The following GPATCH8 variants were observed in gnomAD, a reference collection of about 807,000 sequenced individuals.
GPATCH8 encodes G-patch domain containing 8.
Under a neutral mutation model 118.3 loss-of-function variants are expected in GPATCH8, and 18 were observed. The observed-to-expected ratio is 0.15, with a 90% CI of 0.11 to 0.23. GPATCH8 has a LOEUF of 0.23. Ranked by LOEUF, GPATCH8 falls within the 10% of genes least tolerant of loss-of-function variation. The pLI is 1.00. For synonymous variants in GPATCH8, 659 were observed against 684.7 expected (o/e 0.96, Z 0.59); for missense variants, 1,631 against 1,873.8 (o/e 0.87, Z 2.39).
intron 1 of GPATCH8, among the ~76,000 whole-genome samples, chr17:44,489,586 C>A (rs566184036): frequency 6.6e-6 from 1 of 152,124 alleles, no homozygotes; most frequent in East Asian, 1.9e-4. Flanking sequence ...GTGATCCGCC[C>A]GCCTCGGCCT....
chr17:44,474,563 C>T (rs1255153730), intron 2 of GPATCH8: 1 of 520,476 alleles, frequency 1.9e-6, no homozygotes, highest in African/African-American at 1.9e-5. Context: ...TAACTTGCTA[C>T]CTTCAACAAA....
intron 1 of GPATCH8, among the ~76,000 whole-genome samples, chr17:44,501,273 C>T (rs1479324011): frequency 6.6e-6 from 1 of 151,838 alleles, no homozygotes; most frequent in Non-Finnish European, 1.5e-5. Flanking sequence ...AAAAATTAGC[C>T]GGGTATGGTG....
intron 6 of GPATCH8, among the ~76,000 whole-genome samples, chr17:44,415,903 C>T (rs1413689053): frequency 6.6e-6 from 1 of 152,210 alleles, no homozygotes; most frequent in African/African-American, 2.4e-5. Flanking sequence ...AAGAGAATGC[C>T]TGGTTTACCC....
chr17:44,495,569 A>G (rs141523452), intron 1 of GPATCH8, among the ~76,000 whole-genome samples: 1 of 152,350 alleles, frequency 6.6e-6, no homozygotes, highest in East Asian at 1.9e-4. Flanking sequence ...ACCCGCACAG[A>G]AATACTTACA....
intron 1 of GPATCH8, among the ~76,000 whole-genome samples, chr17:44,502,754 C>G (rs537758143): frequency 6.6e-6 from 1 of 152,292 alleles, no homozygotes; most frequent in African/African-American, 2.4e-5. Context: ...AACACTTATG[C>G]CCCGCGAAAT....
chr17:44,408,348 G>A (rs900551786), intron 6 of GPATCH8, among the ~76,000 whole-genome samples: 2 of 152,070 alleles, frequency 1.3e-5, no homozygotes, highest in African/African-American at 4.8e-5. Context: ...ACCACACCCG[G>A]CTGATTTTTT....
At chr17:44,429,994 C>T (rs536100260) in intron 5 of GPATCH8, among the ~76,000 whole-genome samples, 3 of 152,296 alleles carry the variant, frequency 2.0e-5, no homozygotes, top group African/African-American at 7.2e-5. Flanking sequence ...CCACTGCACT[C>T]CAGCCTGGGC....
chr17:44,424,319 T>C (rs747397538), intron 6 of GPATCH8, 30 bp downstream of exon 6: 3 of 1,482,266 alleles, frequency 2.0e-6, no homozygotes, highest in Non-Finnish European at 2.8e-6. Context: ...GATAGGTACC[T>C]TCTTCTGTTA....
chr17:44,499,272 G>A (rs981381487), intron 1 of GPATCH8, among the ~76,000 whole-genome samples: 2 of 152,102 alleles, frequency 1.3e-5, no homozygotes, highest in African/African-American at 4.8e-5. Context: ...TTTGAGACCA[G>A]CCTGACCAAC....
intron 6 of GPATCH8, among the ~76,000 whole-genome samples, chr17:44,423,395 T>C (rs2049982818): frequency 6.6e-6 from 1 of 152,178 alleles, no homozygotes; most frequent in African/African-American, 2.4e-5. Context: ...TTACAAATTC[T>C]TCCAGTTCTA....
chr17:44,415,914 TGGCAACATTA>T (rs2049661259), intron 6 of GPATCH8, among the ~76,000 whole-genome samples: 1 of 152,266 alleles, frequency 6.6e-6, no homozygotes, highest in Non-Finnish European at 1.5e-5. Flanking sequence ...TGGTTTACCC[TGGCAACATTA>T]GGTCCTGAAG....
intron 3 of GPATCH8, among the ~76,000 whole-genome samples, chr17:44,458,037 A>G (rs189617755): frequency 6.6e-6 from 1 of 150,990 alleles, no homozygotes. Context: ...GTGAGCCGAG[A>G]TTGTGCCACT....
chr17:44,454,557 A>G (rs1422773406), intron 3 of GPATCH8, among the ~76,000 whole-genome samples: 1 of 152,170 alleles, frequency 6.6e-6, no homozygotes. Context: ...TATCATTCTC[A>G]TTCAGTCTCC....
intron 1 of GPATCH8, among the ~76,000 whole-genome samples, chr17:44,480,709 A>G (rs575209588): frequency 7.0e-6 from 1 of 143,630 alleles, no homozygotes; most frequent in East Asian, 2.0e-4. Flanking sequence ...AACAAGGGCA[A>G]AAAAAAAAAA....
At chr17:44,449,039 G>T (rs1393141850) in intron 3 of GPATCH8, among the ~76,000 whole-genome samples, 2 of 152,172 alleles carry the variant, frequency 1.3e-5, no homozygotes, top group Non-Finnish European at 2.9e-5. Context: ...ACTTTGGGAG[G>T]TTGAGGCGGG....
At chr17:44,493,900 G>A (rs1344181881) in intron 1 of GPATCH8, among the ~76,000 whole-genome samples, 1 of 152,048 alleles carries the variant, frequency 6.6e-6, no homozygotes, top group African/African-American at 2.4e-5. Flanking sequence ...TTATATAAGA[G>A]GCATTTATTA....
chr17:44,438,041 T>C (rs1367698304), intron 3 of GPATCH8, among the ~76,000 whole-genome samples: 6 of 151,298 alleles, frequency 4.0e-5, no homozygotes, highest in Non-Finnish European at 4.4e-5. Flanking sequence ...AATGCATTAC[T>C]ACCCTATGCC....
chr17:44,491,146 C>T (rs749063034), intron 1 of GPATCH8, among the ~76,000 whole-genome samples: 3 of 152,128 alleles, frequency 2.0e-5, no homozygotes, highest in Non-Finnish European at 4.4e-5. Context: ...CAATACGAAA[C>T]TCTAGAGAGA....
chr17:44,419,668 T>TC (rs1468512569), intron 6 of GPATCH8, among the ~76,000 whole-genome samples: 1 of 152,010 alleles, frequency 6.6e-6, no homozygotes, highest in East Asian at 1.9e-4. Context: ...AATTTTTTTT[T>TC]TTTTTTTAGA....
Sources: allele counts gnomAD v4.1 joint callset (sites outside exome capture counted in the v4.1 genomes callset), GRCh38; gene constraint gnomAD v4.1.1; transcripts MANE v1.5; gene names NCBI Gene and HGNC (gene_info 2026-07-23, HGNC 2026-07-21).